RPTOR: variants seen among roughly 807,000 people sequenced by gnomAD.
RPTOR encodes the protein regulatory associated protein of MTOR complex 1.
In RPTOR, 21 loss-of-function variants were observed where a neutral mutation model predicts 169.9. That is an observed-to-expected ratio of 0.12 (90% CI 0.09 to 0.18). The LOEUF (loss-of-function observed/expected upper bound fraction) is 0.18. Among genes scored for constraint, RPTOR ranks in the 10% least tolerant of loss-of-function variants. The pLI, the probability that RPTOR is intolerant of heterozygous loss-of-function variation, is 1.00. For missense variants in RPTOR, 1,133 were observed against 1,855.9 expected (o/e 0.61, Z 7.16); for synonymous variants, 732 against 753.2 (o/e 0.97, Z 0.46).
intron 3 of RPTOR, among the ~76,000 whole-genome samples, chr17:80,669,131 G>A (rs1411440275): frequency 6.6e-6 from 1 of 152,226 alleles, no homozygotes; most frequent in East Asian, 1.9e-4. Flanking sequence ...TGGCTCAGCA[G>A]GAGCAGCCAG....
Position 80,962,555 on chromosome 17 carries a change from C to T in RPTOR, c.3787C>T (p.Pro1263Ser), listed in dbSNP as rs754837363. Residue 1263 changes from proline to serine, a missense_variant, in exon 32 of 34, where the codon CCC becomes TCC. Physicochemically the swap from Pro to Ser is moderately conservative, Grantham distance 74. This residue lies in a region of RPTOR where 410 missense variants were observed against 623.7 expected (regional missense o/e 0.66). Transcript: ENST00000306801. ...GGGGCTGACGGCCCTGGACATCCAC[C>T]CCCAGGCGGACCTGATCGCATGGTA... ...VKGLTALDIH[P>S]QADLIACGSV... 2 of 1,613,670 alleles carry T rather than the reference C, an allele frequency of 1.2e-6. No homozygotes were observed. Among genetic ancestry groups the T allele is most frequent in the South Asian group, 2.2e-5 (2 of 91,076 alleles).
chr17:80,865,200 C>T (rs1287362398), intron 13 of RPTOR, among the ~76,000 whole-genome samples: 2 of 152,150 alleles, frequency 1.3e-5, no homozygotes, highest in Non-Finnish European at 2.9e-5. Flanking sequence ...TAGCTGACAA[C>T]AGAGATGATA....
chr17:80,843,005 C>A (rs1233263423), intron 10 of RPTOR, among the ~76,000 whole-genome samples: 1 of 152,226 alleles, frequency 6.6e-6, no homozygotes. Flanking sequence ...ACAAACTCTA[C>A]GTGACACTTT....
At chr17:80,804,348 A>C (rs1265151986) in intron 7 of RPTOR, 3 of 152,248 alleles carry the variant, frequency 2.0e-5, no homozygotes, top group Non-Finnish European at 1.5e-5. Context: ...ATTTCCATGG[A>C]TGATGACCCA....
At chr17:80,881,093 T>C (rs1352563696) in intron 14 of RPTOR, among the ~76,000 whole-genome samples, 1 of 152,260 alleles carries the variant, frequency 6.6e-6, no homozygotes, top group East Asian at 1.9e-4. Context: ...ACAAAATAGA[T>C]ATATCCTAAA....
intron 20 of RPTOR, among the ~76,000 whole-genome samples, chr17:80,900,206 T>C (rs935771386): frequency 6.6e-6 from 1 of 152,056 alleles, no homozygotes; most frequent in African/African-American, 2.4e-5. Flanking sequence ...CGGGCATCTG[T>C]GGCCGTCTCC....
intron 5 of RPTOR, among the ~76,000 whole-genome samples, chr17:80,741,322 G>C (rs910855354): frequency 6.6e-6 from 1 of 152,154 alleles, no homozygotes. Context: ...GGGCCCTCCA[G>C]GTGGAGGGCA....
intron 13 of RPTOR, among the ~76,000 whole-genome samples, chr17:80,865,742 G>A (rs1472033538): frequency 2.6e-5 from 4 of 151,806 alleles, no homozygotes; most frequent in African/African-American, 7.3e-5. Flanking sequence ...AGTAACTGAC[G>A]GAACAAGCAG....
chr17:80,939,967 G>A lies in RPTOR; in HGVS notation c.2920-529G>A, dbSNP rs781574358. Among the ~76,000 whole-genome samples the A allele has an allele frequency of 5.9e-4, 90 of 152,190 alleles. 1 individual carries two copies. Among genetic ancestry groups the A allele is most frequent in the Non-Finnish European group, 2.5e-4 (17 of 68,042 alleles). ...AGCCCCCACACTAGTGAACACAGGC[G>A]TGGAGAGCGCCTCTCCCAGCTCCGG... On this transcript the variant is annotated intron_variant, in intron 24 of 33. Coordinates refer to ENST00000306801, the MANE Select transcript of RPTOR (RefSeq NM_020761.3).
At chr17:80,607,709 G>T (rs1265990986) in intron 1 of RPTOR, among the ~76,000 whole-genome samples, 4 of 151,792 alleles carry the variant, frequency 2.6e-5, no homozygotes, top group Non-Finnish European at 5.9e-5. Flanking sequence ...TTAGCACTGG[G>T]TGCTGCAGGA....
intron 7 of RPTOR, among the ~76,000 whole-genome samples, chr17:80,807,090 A>C (rs1313883954): frequency 6.6e-6 from 1 of 152,246 alleles, no homozygotes; most frequent in African/African-American, 2.4e-5. Flanking sequence ...ATCGTAGCTG[A>C]ACAACTGTCT....
rs1268958993 is a variant in RPTOR at position 80,860,133 on chromosome 17, G to A, written c.1509+2233G>A. ...CCCCCGGGGCTCCTGCCTGCTGCCC[G>A]GCGCTCCCCAGGCCACATTCTGTCA... On this transcript the variant is annotated intron_variant, in intron 13 of 33. Transcript: ENST00000306801. This position sits in a 1 kb window ranked among gnomAD's most constrained non-coding sequence, Gnocchi z 5.8. Among the ~76,000 whole-genome samples, 2 of 152,194 alleles carry A rather than the reference G, an allele frequency of 1.3e-5. No homozygotes were observed. The highest frequency in any genetic ancestry group is 2.9e-5 in the Non-Finnish European group (2 of 68,020).
At chr17:80,670,673 G>A (rs528991293) in intron 3 of RPTOR, among the ~76,000 whole-genome samples, 6 of 152,214 alleles carry the variant, frequency 3.9e-5, no homozygotes, top group African/African-American at 4.8e-5. Context: ...GTGGTCATCC[G>A]CAGTCCACAC....
At chr17:80,825,053 G>GGCACA in intron 9 of RPTOR, among the ~76,000 whole-genome samples, 1 of 145,526 alleles carries the variant, frequency 6.9e-6, no homozygotes, top group African/African-American at 2.6e-5. Flanking sequence ...AGGCCAGTAT[G>GGCACA]GGGCAGCCAC....
chr17:80,620,733 G>A lies in RPTOR; in HGVS notation c.163-4958G>A, dbSNP rs1393431531. The stretch of plus-strand genomic sequence containing the variant: ...GTGAGCCGAGATCGTGCCACTGCAC[G>A]TGATCGTGGTCAACAGAGCAAGAGT... On this transcript the variant is annotated intron_variant, in intron 1 of 33. Coordinates refer to ENST00000306801, the MANE Select transcript of RPTOR (RefSeq NM_020761.3). 5.3e-5 allele frequency among the ~76,000 whole-genome samples: 8 copies of A among 152,222 alleles called. No individual in the cohort carries two copies. The East Asian group carries it at 5.8e-4, about 11-fold the overall frequency.
rs184331211 is a variant in RPTOR at position 80,649,752 on chromosome 17, G to C, written c.348+5942G>C. Among the ~76,000 whole-genome samples, 92 of 152,234 alleles carry C rather than the reference G, an allele frequency of 6.0e-4. No individual in the cohort carries two copies. In the East Asian group the frequency reaches 0.017, roughly 28 times the overall value. The stretch of plus-strand genomic sequence containing the variant: ...TGTTTTTACTTATATTTTTGCCTTG[G>C]CCTCAGCAGTGCTCTCCCACTTCGT... On this transcript the variant is annotated intron_variant, in intron 3 of 33. Transcript: ENST00000306801.
chr17:80,629,895 T>TA (rs1461895862), intron 2 of RPTOR, among the ~76,000 whole-genome samples: 1 of 152,246 alleles, frequency 6.6e-6, no homozygotes, highest in Non-Finnish European at 1.5e-5. Flanking sequence ...GCTCTCTATG[T>TA]ATTGCGCTGT....
intron 13 of RPTOR, among the ~76,000 whole-genome samples, chr17:80,877,682 G>A (rs1171640054): frequency 6.6e-6 from 1 of 152,186 alleles, no homozygotes; most frequent in Non-Finnish European, 1.5e-5. Context: ...TGTTGCCCTG[G>A]CCCTCTGGGC....
chr17:80,850,943 T>G (rs1193422200), intron 11 of RPTOR, among the ~76,000 whole-genome samples: 1 of 152,172 alleles, frequency 6.6e-6, no homozygotes, highest in African/African-American at 2.4e-5. Context: ...TTTGATAACC[T>G]TAGCAATTCT....
Sources: allele counts gnomAD v4.1 joint callset (sites outside exome capture counted in the v4.1 genomes callset), GRCh38; gene constraint gnomAD v4.1.1; regional missense constraint gnomAD v4.1.1; non-coding constraint Gnocchi (gnomAD v3.1); transcripts MANE v1.5; gene names NCBI Gene and HGNC (gene_info 2026-07-23, HGNC 2026-07-21).